Variants in LHFPL3 observed in about 807,000 individuals in gnomAD.
LHFPL3 encodes the protein LHFPL tetraspan subfamily member 3 protein.
Under a neutral mutation model 19.3 loss-of-function variants are expected in LHFPL3, and 5 were observed. That is an observed-to-expected ratio of 0.26 (90% CI 0.14 to 0.54). The LOEUF (loss-of-function observed/expected upper bound fraction) is 0.54. Ranked by LOEUF, LHFPL3 falls within the 20% of genes least tolerant of loss-of-function variation. The pLI is 0.94. For missense variants in LHFPL3, 249 were observed against 307.4 expected (o/e 0.81, Z 1.42); for synonymous variants, 133 against 126.2 (o/e 1.05, Z -0.36).
intron 1 of LHFPL3, among the ~76,000 whole-genome samples, chr7:104,674,895 G>C (rs1045293141): frequency 6.6e-6 from 1 of 152,122 alleles, no homozygotes; most frequent in Non-Finnish European, 1.5e-5. Context: ...AAGAGCAAAA[G>C]ATATAGAAGA....
chr7:104,648,975 C>A (rs1221976553), intron 1 of LHFPL3, among the ~76,000 whole-genome samples: 1 of 152,196 alleles, frequency 6.6e-6, no homozygotes, highest in East Asian at 1.9e-4. Context: ...CACATCCTGG[C>A]CTCTAGGTCC....
At position 104,328,792 on chromosome 7, in the gene LHFPL3, G is replaced by A. The variant is rs987503596; in HGVS notation, c.13G>A (p.Ala5Thr). The change falls in exon 1 of 3, where the codon GCC becomes ACC. Residue 5 changes from alanine (A) to threonine (T), a missense_variant. Coordinates refer to ENST00000424859, the MANE Select transcript of LHFPL3 (RefSeq NM_199000.3). This position sits in a 1 kb window ranked among gnomAD's most constrained non-coding sequence, Gnocchi z 4.6. The stretch of plus-strand genomic sequence containing the variant: ...GAGGAGGGGGAGAATGCCCGGAGCC[G>A]CCGCCGCTGCCGCCGCCGCCGCCGC... The part of the protein sequence containing the change: MPGA[A>T]AAAAAAAAAM... 6.3e-7 allele frequency: 1 copy of A among 1,596,750 alleles called. No individual in the cohort carries two copies. Among genetic ancestry groups the A allele is most frequent in the Non-Finnish European group, 8.5e-7 (1 of 1,171,548 alleles).
chr7:104,364,863 C>A lies in LHFPL3; in HGVS notation c.445+35639C>A, dbSNP rs914818277. 2.0e-5 allele frequency among the ~76,000 whole-genome samples: 3 copies of A among 152,230 alleles called. No homozygotes were observed. The South Asian group carries it at 6.2e-4, about 31-fold the overall frequency. On this transcript the variant is annotated intron_variant, in intron 1 of 2. Transcript: ENST00000424859. ...AAATAAAGGAAGAGATTATTGTCAG[C>A]TCAGAGAGATAGCAGGATGTTAAAA... is the stretch of plus-strand genomic sequence containing the variant.
intron 1 of LHFPL3, among the ~76,000 whole-genome samples, chr7:104,509,571 A>G (rs1282171686): frequency 6.6e-6 from 1 of 152,080 alleles, no homozygotes; most frequent in Non-Finnish European, 1.5e-5. Context: ...AAAAAATGTT[A>G]GAGTGAAACT....
intron 1 of LHFPL3, among the ~76,000 whole-genome samples, chr7:104,701,158 T>C (rs1448845925): frequency 6.6e-6 from 1 of 152,210 alleles, no homozygotes; most frequent in Non-Finnish European, 1.5e-5. Context: ...TTCCTTAGAA[T>C]TTTTAAGGAA....
intron 2 of LHFPL3, among the ~76,000 whole-genome samples, chr7:104,791,795 T>C (rs1046465174): frequency 6.6e-6 from 1 of 152,134 alleles, no homozygotes; most frequent in Non-Finnish European, 1.5e-5. Flanking sequence ...AGGGTCTTTG[T>C]ATTCTTAGAT....
chr7:104,696,402 G>A (rs1270346894), intron 1 of LHFPL3, among the ~76,000 whole-genome samples: 1 of 152,024 alleles, frequency 6.6e-6, no homozygotes, highest in Non-Finnish European at 1.5e-5. Context: ...GCAGAGGGGT[G>A]AAAGTTTAAA....
At chr7:104,348,920 G>A (rs960092590) in intron 1 of LHFPL3, among the ~76,000 whole-genome samples, 5 of 152,180 alleles carry the variant, frequency 3.3e-5, no homozygotes, top group African/African-American at 1.2e-4. Flanking sequence ...ATCAGGCAAA[G>A]TCTAATTGGG....
intron 1 of LHFPL3, among the ~76,000 whole-genome samples, chr7:104,411,679 T>C (rs996444782): frequency 5.3e-5 from 8 of 152,254 alleles, no homozygotes; most frequent in African/African-American, 1.9e-4. Flanking sequence ...CTAATTTCAT[T>C]TTGAGGCTAT....
chr7:104,380,771 A>G (rs1421111973), intron 1 of LHFPL3, among the ~76,000 whole-genome samples: 1 of 152,196 alleles, frequency 6.6e-6, no homozygotes, highest in Non-Finnish European at 1.5e-5. Context: ...ATTTGGAAGG[A>G]CTTAAAAATA....
At chr7:104,671,256 TAA>T in intron 1 of LHFPL3, among the ~76,000 whole-genome samples, 1 of 151,710 alleles carries the variant, frequency 6.6e-6, no homozygotes, top group East Asian at 2.0e-4. Flanking sequence ...TTTTCTTTTT[TAA>T]AAAAGAAAAA....
At chr7:104,597,201 G>A (rs952629158) in intron 1 of LHFPL3, among the ~76,000 whole-genome samples, 1 of 152,080 alleles carries the variant, frequency 6.6e-6, no homozygotes, top group African/African-American at 2.4e-5. Flanking sequence ...GCATGTTAAG[G>A]CATTTCTTTC....
intron 2 of LHFPL3, among the ~76,000 whole-genome samples, chr7:104,871,263 T>C (rs1232306180): frequency 1.3e-5 from 2 of 152,214 alleles, no homozygotes; most frequent in Non-Finnish European, 2.9e-5. Context: ...GAACACTGTA[T>C]GCAATTGTAA....
intron 1 of LHFPL3, among the ~76,000 whole-genome samples, chr7:104,427,158 C>T (rs574225692): frequency 1.2e-4 from 18 of 152,152 alleles, no homozygotes; most frequent in South Asian, 4.2e-4. Flanking sequence ...TGTCAGCAGT[C>T]GGTGGAAGAC....
intron 1 of LHFPL3, among the ~76,000 whole-genome samples, chr7:104,482,875 G>A (rs1793162669): frequency 6.6e-6 from 1 of 152,230 alleles, no homozygotes; most frequent in South Asian, 2.1e-4. Flanking sequence ...GATATGCTCA[G>A]CATAATTCCT....
chr7:104,613,027 T>C (rs1439962478), intron 1 of LHFPL3, among the ~76,000 whole-genome samples: 1 of 152,212 alleles, frequency 6.6e-6, no homozygotes. Flanking sequence ...ATAGCACCTG[T>C]AATGAAAGTC....
chr7:104,665,820 G>A (rs987834566), intron 1 of LHFPL3, among the ~76,000 whole-genome samples: 3 of 152,180 alleles, frequency 2.0e-5, no homozygotes, highest in South Asian at 2.1e-4. Context: ...AGATTGACAG[G>A]TGTCTTTACA....
intron 1 of LHFPL3, among the ~76,000 whole-genome samples, chr7:104,607,293 A>G (rs1028193323): frequency 1.3e-5 from 2 of 152,222 alleles, no homozygotes; most frequent in Non-Finnish European, 2.9e-5. Context: ...GGAGTCAACA[A>G]TGTCAGATTT....
chr7:104,680,482 T>C (rs1792674806), intron 1 of LHFPL3, among the ~76,000 whole-genome samples: 1 of 152,176 alleles, frequency 6.6e-6, no homozygotes, highest in East Asian at 1.9e-4. Context: ...GATGGTGTGA[T>C]TTGGGGGTAA....
Sources: gnomAD v4.1 joint callset for allele counts (sites outside exome capture counted in the v4.1 genomes callset) on GRCh38, gnomAD v4.1.1 for gene constraint, Gnocchi (gnomAD v3.1) non-coding constraint, MANE v1.5 for transcripts, NCBI Gene and HGNC (gene_info 2026-07-23, HGNC 2026-07-21) for gene names.